Variants in MKRN3 observed in about 807,000 individuals in gnomAD.
MKRN3 encodes E3 ubiquitin-protein ligase makorin-3.
For missense variants in MKRN3, 749 were observed against 667.0 expected, an observed-to-expected ratio of 1.12 and a Z score of -1.35; for synonymous variants, 301 against 250.2, an observed-to-expected ratio of 1.20 and a Z score of -1.91.
In MKRN3 at chr15:23,565,872, G is replaced by T. The variant is rs746453158; in HGVS notation, c.90G>T (p.Pro30=). Residue 30 remains proline (P), a synonymous_variant, in exon 1 of 1, where the codon CCG becomes CCT. Coordinates refer to ENST00000314520, the MANE Select transcript of MKRN3 (RefSeq NM_005664.4). ...AEAAREGVSG[P]DLPVCEPSGE... Reference sequence around the variant, plus strand: ...CAGCAAGGGAGGGTGTGTCTGGGCCGGACCTTCCCGTCTGTGAGCCCTCCG... The same window carrying T: ...CAGCAAGGGAGGGTGTGTCTGGGCCTGACCTTCCCGTCTGTGAGCCCTCCG... 6.2e-7 allele frequency: 1 copy of T among 1,613,832 alleles called. No homozygotes were observed.
chr15:23,566,734 G>A lies in MKRN3; in HGVS notation c.952G>A (p.Val318Ile). The change falls in exon 1 of 1, where the codon GTC (valine) becomes ATC (isoleucine). Residue 318 changes from valine (V) to isoleucine (I), a missense_variant. Physicochemically the swap from Val to Ile is conservative, Grantham distance 29 (BLOSUM62 3). Transcript: ENST00000314520. Reference sequence around the variant, plus strand: ...GGTGTGTGGCATCTGCATGGAGGTTGTCTATGAGAAGGCCAACCCCAATGA... The same window carrying A: ...GGTGTGTGGCATCTGCATGGAGGTTATCTATGAGAAGGCCAACCCCAATGA... ...DKVCGICMEVVYEKANPNDRR... is the reference protein window; with the variant it reads ...DKVCGICMEVIYEKANPNDRR... The A allele has an allele frequency of 6.2e-7, 1 of 1,614,222 alleles. No individual in the cohort carries two copies. Among genetic ancestry groups the A allele is most frequent in the Non-Finnish European group, 8.5e-7 (1 of 1,180,044 alleles).
chr15:23,567,070 C>G lies in MKRN3; in HGVS notation c.1288C>G (p.Pro430Ala). 1 of 1,614,206 alleles carries G rather than the reference C, an allele frequency of 6.2e-7. No individual in the cohort carries two copies. The highest frequency in any genetic ancestry group is 1.3e-5 in the African/African-American group (1 of 75,056). Residue 430 changes from proline (P) to alanine (A), a missense_variant, in exon 1 of 1, where the codon CCT (proline) becomes GCT (alanine). By Grantham distance (27) the Pro-to-Ala change is conservative. Coordinates refer to ENST00000314520, the MANE Select transcript of MKRN3 (RefSeq NM_005664.4). Reference protein sequence around the residue: ...HEYPEGWGDEPPGPGGGSFSA... With the variant: ...HEYPEGWGDEAPGPGGGSFSA... The stretch of plus-strand genomic sequence containing the variant: ...ATACCCTGAGGGCTGGGGAGATGAG[C>G]CTCCTGGGCCAGGTGGTGGGTCATT...
chr15:23,565,680 C>G lies in MKRN3; in HGVS notation c.-103C>G, dbSNP rs936746254. 1 of 1,188,568 alleles carries G rather than the reference C, an allele frequency of 8.4e-7. No homozygotes were observed. The highest frequency in any genetic ancestry group is 1.1e-6 in the Non-Finnish European group (1 of 873,394). 73.6% of individuals were successfully genotyped at this position (1,188,568 alleles called of 1,614,324 possible). On this transcript the variant is annotated 5_prime_UTR_variant, in exon 1 of 1. Transcript: ENST00000314520. ...GGGAAGGAAAAAGAGATGCACACTTCCCCCAGAGAAGCCTCCGAGCGCGGC... is the reference window on the plus strand; with the variant it reads ...GGGAAGGAAAAAGAGATGCACACTTGCCCCAGAGAAGCCTCCGAGCGCGGC...
rs1291266443 is a variant in MKRN3, at chr15:23,566,024, G to A, written c.242G>A (p.Gly81Glu). 2.5e-6 allele frequency: 4 copies of A among 1,613,994 alleles called. No homozygotes were observed. The South Asian group carries it at 3.3e-5, about 13-fold the overall frequency. The change falls in exon 1 of 1, where the codon GGA becomes GAA. Residue 81 changes from glycine to glutamate, a missense_variant. Coordinates refer to ENST00000314520, the MANE Select transcript of MKRN3 (RefSeq NM_005664.4). ...AGGCCTGCCCCAGCCTCAGGAGGAGGAGCCTGGCCCAGTCCGTTGCCAAGC... is the reference window on the plus strand; with the variant it reads ...AGGCCTGCCCCAGCCTCAGGAGGAGAAGCCTGGCCCAGTCCGTTGCCAAGC... Reference protein sequence around the residue: ...GLRPAPASGGGAWPSPLPSRS... With the variant: ...GLRPAPASGGEAWPSPLPSRS...
At position 23,565,897 on chromosome 15, in the gene MKRN3, G is replaced by A. The variant is rs151216955; in HGVS notation, c.115G>A (p.Gly39Arg). The A allele has an allele frequency of 1.4e-5, 22 of 1,613,698 alleles. No homozygotes were observed. Among genetic ancestry groups the A allele is most frequent in the East Asian group, 1.1e-4 (5 of 44,838 alleles). The change falls in exon 1 of 1, where the codon GGG becomes AGG. Residue 39 changes from glycine to arginine, a missense_variant. Transcript: ENST00000314520. ...GPDLPVCEPS[G>R]ESAAPDSALP... The stretch of plus-strand genomic sequence containing the variant: ...GGACCTTCCCGTCTGTGAGCCCTCC[G>A]GGGAATCTGCTGCTCCAGATTCAGC...
rs1051284271 is a variant in MKRN3, at chr15:23,567,397, G to A, written c.*91G>A. 3 of 1,538,014 alleles carry A rather than the reference G, an allele frequency of 2.0e-6. No homozygotes were observed. The highest frequency in any genetic ancestry group is 1.4e-5 in the African/African-American group (1 of 72,442). On this transcript the variant is annotated 3_prime_UTR_variant, in exon 1 of 1. Transcript: ENST00000314520. ...GTGTTGACACTCTTACTGCTTTCAG[G>A]GGCTGTTGAGGCAGTGCTTCTGTTT...
chr15:23,566,321 T>C lies in MKRN3; in HGVS notation c.539T>C (p.Phe180Ser). Residue 180 changes from phenylalanine to serine, a missense_variant, in exon 1 of 1, where the codon TTT becomes TCT. By Grantham distance (155) the Phe-to-Ser change is radical. Coordinates refer to ENST00000314520, the MANE Select transcript of MKRN3 (RefSeq NM_005664.4). ...VIGSAAERGF[F>S]EAERDNADRG... ...GGCTCGGCTGCTGAAAGGGGTTTCTTTGAAGCCGAGAGAGACAATGCAGAC... is the reference window on the plus strand; with the variant it reads ...GGCTCGGCTGCTGAAAGGGGTTTCTCTGAAGCCGAGAGAGACAATGCAGAC... The C allele has an allele frequency of 6.2e-7, 1 of 1,614,144 alleles. No individual in the cohort carries two copies. Among genetic ancestry groups the C allele is most frequent in the Non-Finnish European group, 8.5e-7 (1 of 1,180,028 alleles).
chr15:23,565,977 C>G lies in MKRN3; in HGVS notation c.195C>G (p.Ala65=). 6.2e-7 allele frequency: 1 copy of G among 1,613,802 alleles called. No individual in the cohort carries two copies. The highest frequency in any genetic ancestry group is 8.5e-7 in the Non-Finnish European group (1 of 1,179,922). Residue 65 remains alanine, a synonymous_variant, in exon 1 of 1, where the codon GCC becomes GCG. Coordinates refer to ENST00000314520, the MANE Select transcript of MKRN3 (RefSeq NM_005664.4). The part of the protein sequence containing the change: ...WAPFPVAPVP[A]HLRRGGLRPA... Reference sequence around the variant, plus strand: ...CCTTCCCTGTAGCTCCAGTCCCTGCCCACCTCCGCAGAGGAGGCCTGAGGC... The same window carrying G: ...CCTTCCCTGTAGCTCCAGTCCCTGCGCACCTCCGCAGAGGAGGCCTGAGGC...
In MKRN3 at chr15:23,568,024, G is replaced by T. The variant is rs957958574; in HGVS notation, c.*718G>T. The T allele has an allele frequency of 1.1e-4, 70 of 653,714 alleles. No individual in the cohort carries two copies. In the African/African-American group the frequency reaches 1.3e-3, roughly 12 times the overall value. The allele number at this position is 653,714 out of a possible 1,614,324, so 40.5% of individuals were successfully genotyped here. ...TAAAGTAAATACAGAGCTGAAAGCT[G>T]AAGGTCAAAGCCTAACAGGATTGGC... On this transcript the variant is annotated 3_prime_UTR_variant, in exon 1 of 1. Coordinates refer to ENST00000314520, the MANE Select transcript of MKRN3 (RefSeq NM_005664.4).
rs558113683 is a variant in MKRN3 at position 23,565,871 on chromosome 15, C to A, written c.89C>A (p.Pro30Gln). The change falls in exon 1 of 1, where the codon CCG becomes CAG. Residue 30 changes from proline (P) to glutamine (Q), a missense_variant. Coordinates refer to ENST00000314520, the MANE Select transcript of MKRN3 (RefSeq NM_005664.4). The part of the protein sequence containing the change: ...AEAAREGVSG[P>Q]DLPVCEPSGE... ...GCAGCAAGGGAGGGTGTGTCTGGGC[C>A]GGACCTTCCCGTCTGTGAGCCCTCC... is the stretch of plus-strand genomic sequence containing the variant. 13 of 1,613,830 alleles carry A rather than the reference C, an allele frequency of 8.1e-6. No individual in the cohort carries two copies. Among genetic ancestry groups the A allele is most frequent in the Middle Eastern group, 1.7e-4 (1 of 6,032 alleles).
rs1451393209 is a variant in MKRN3, at chr15:23,566,076, G to C, written c.294G>C (p.Gln98His). The part of the protein sequence containing the change: ...PSRSSGIWTK[Q>H]IICRYYIHGQ... Reference sequence around the variant, plus strand: ...GAAGCAGCGGCATTTGGACAAAGCAGATCATCTGCAGGTATTATATACATG... The same window carrying C: ...GAAGCAGCGGCATTTGGACAAAGCACATCATCTGCAGGTATTATATACATG... Residue 98 changes from glutamine to histidine, a missense_variant, in exon 1 of 1, where the codon CAG becomes CAC. Gln to His is a conservative substitution (Grantham distance 24). Coordinates refer to ENST00000314520, the MANE Select transcript of MKRN3 (RefSeq NM_005664.4). 1.2e-6 allele frequency: 2 copies of C among 1,614,202 alleles called. No homozygotes were observed. The highest frequency in any genetic ancestry group is 1.7e-6 in the Non-Finnish European group (2 of 1,180,052).
chr15:23,566,006 C>T lies in MKRN3; in HGVS notation c.224C>T (p.Ala75Val), dbSNP rs1169595118. ...CTCCGCAGAGGAGGCCTGAGGCCTG[C>T]CCCAGCCTCAGGAGGAGGAGCCTGG... ...AHLRRGGLRP[A>V]PASGGGAWPS... Residue 75 changes from alanine to valine, a missense_variant, in exon 1 of 1, where the codon GCC becomes GTC. Transcript: ENST00000314520. 6 of 1,613,728 alleles carry T rather than the reference C, an allele frequency of 3.7e-6. No individual in the cohort carries two copies. Among genetic ancestry groups the T allele is most frequent in the Non-Finnish European group, 5.1e-6 (6 of 1,179,982 alleles).
At position 23,566,767 on chromosome 15, in the gene MKRN3, T is replaced by C; in HGVS notation, c.985T>C (p.Phe329Leu). 6.2e-7 allele frequency: 1 copy of C among 1,614,220 alleles called. No individual in the cohort carries two copies. The highest frequency in any genetic ancestry group is 8.5e-7 in the Non-Finnish European group (1 of 1,180,036). The change falls in exon 1 of 1, where the codon TTT (phenylalanine) becomes CTT (leucine). Residue 329 changes from phenylalanine to leucine, a missense_variant. By Grantham distance (22) the Phe-to-Leu change is conservative. Coordinates refer to ENST00000314520, the MANE Select transcript of MKRN3 (RefSeq NM_005664.4). ...GAAGGCCAACCCCAATGACCGCCGC[T>C]TTGGCATTCTTTCCAATTGCAACCA... ...YEKANPNDRRFGILSNCNHSF... is the reference protein window; with the variant it reads ...YEKANPNDRRLGILSNCNHSF...
chr15:23,567,426 T>C lies in MKRN3; in HGVS notation c.*120T>C. The C allele has an allele frequency of 6.6e-7, 1 of 1,504,736 alleles. No homozygotes were observed. 93.2% of individuals were successfully genotyped at this position (1,504,736 alleles called of 1,614,324 possible). On this transcript the variant is annotated 3_prime_UTR_variant, in exon 1 of 1. Transcript: ENST00000314520. Reference sequence around the variant, plus strand: ...TGTTGAGGCAGTGCTTCTGTTTTCTTGTCTATTCTGCATATCTTTCCCCCT... The same window carrying C: ...TGTTGAGGCAGTGCTTCTGTTTTCTCGTCTATTCTGCATATCTTTCCCCCT...
At position 23,566,655 on chromosome 15, in the gene MKRN3, A is replaced by C; in HGVS notation, c.873A>C (p.Glu291Asp). Residue 291 changes from glutamate (E) to aspartate (D), a missense_variant, in exon 1 of 1, where the codon GAA becomes GAC. By Grantham distance (45) the Glu-to-Asp change is conservative. Coordinates refer to ENST00000314520, the MANE Select transcript of MKRN3 (RefSeq NM_005664.4). ...QREEHMRACI[E>D]AHEKDMELSF... ...AAGAACATATGAGGGCCTGCATTGAAGCACACGAGAAAGATATGGAACTCT... is the reference window on the plus strand; with the variant it reads ...AAGAACATATGAGGGCCTGCATTGACGCACACGAGAAAGATATGGAACTCT... The C allele has an allele frequency of 6.2e-7, 1 of 1,614,242 alleles. No homozygotes were observed. The highest frequency in any genetic ancestry group is 1.1e-5 in the South Asian group (1 of 91,084).
At position 23,566,326 on chromosome 15, in the gene MKRN3, G is replaced by C; in HGVS notation, c.544G>C (p.Ala182Pro). 1.2e-6 allele frequency: 2 copies of C among 1,614,176 alleles called. No homozygotes were observed. Among genetic ancestry groups the C allele is most frequent in the Non-Finnish European group, 1.7e-6 (2 of 1,180,042 alleles). The change falls in exon 1 of 1, where the codon GCC becomes CCC. Residue 182 changes from alanine to proline, a missense_variant. Ala to Pro is a conservative substitution (Grantham distance 27). Coordinates refer to ENST00000314520, the MANE Select transcript of MKRN3 (RefSeq NM_005664.4). ...GGCTGCTGAAAGGGGTTTCTTTGAA[G>C]CCGAGAGAGACAATGCAGACCGTGG... ...GSAAERGFFE[A>P]ERDNADRGAA...
In MKRN3 at chr15:23,565,774, A is replaced by G. The variant is rs747440951; in HGVS notation, c.-9A>G. On this transcript the variant is annotated 5_prime_UTR_variant, in exon 1 of 1. Transcript: ENST00000314520. ...GGTTCTGGCACCATTTCGGGGTGCC[A>G]AAGCAGCCATGGAAGAGCCTGCAGC... 1 of 1,578,410 alleles carries G rather than the reference A, an allele frequency of 6.3e-7. No individual in the cohort carries two copies. Among genetic ancestry groups the G allele is most frequent in the Non-Finnish European group, 8.6e-7 (1 of 1,158,522 alleles).
Position 23,566,404 on chromosome 15 carries a change from C to G in MKRN3, c.622C>G (p.Pro208Ala). The G allele has an allele frequency of 6.2e-7, 1 of 1,614,142 alleles. No homozygotes were observed. The highest frequency in any genetic ancestry group is 8.5e-7 in the Non-Finnish European group (1 of 1,180,030). The stretch of plus-strand genomic sequence containing the variant: ...CTGGGCGGATGCCATTGAGTTTGTT[C>G]CAGGGCAGCCCTACCGGGGCCGCTG... Reference protein sequence around the residue: ...ESWADAIEFVPGQPYRGRWVA... With the variant: ...ESWADAIEFVAGQPYRGRWVA... Residue 208 changes from proline to alanine, a missense_variant, in exon 1 of 1, where the codon CCA becomes GCA. Physicochemically the swap from Pro to Ala is conservative, Grantham distance 27 (BLOSUM62 -1). Transcript: ENST00000314520.
rs191451278 is a variant in MKRN3 at position 23,566,348 on chromosome 15, G to A, written c.566G>A (p.Arg189His). The change falls in exon 1 of 1, where the codon CGT (arginine) becomes CAT (histidine). Residue 189 changes from arginine (R) to histidine (H), a missense_variant. By Grantham distance (29) the Arg-to-His change is conservative (BLOSUM62 0). Coordinates refer to ENST00000314520, the MANE Select transcript of MKRN3 (RefSeq NM_005664.4). ...FFEAERDNAD[R>H]GAAGGAGVES... ...GAAGCCGAGAGAGACAATGCAGACC[G>A]TGGAGCTGCTGGAGGAGCAGGTGTA... The A allele has an allele frequency of 3.9e-4, 626 of 1,614,194 alleles. 4 individuals carry two copies. The highest frequency in any genetic ancestry group is 8.4e-5 in the Non-Finnish European group (99 of 1,180,036).
Sources: allele counts gnomAD v4.1 joint callset, GRCh38; gene constraint gnomAD v4.1.1; transcripts MANE v1.5; gene names NCBI Gene and HGNC (gene_info 2026-07-23, HGNC 2026-07-21).